The following LYN variants were observed in gnomAD, a reference collection of about 807,000 sequenced individuals.
The protein encoded by LYN is tyrosine-protein kinase Lyn.
Under a neutral mutation model 65.0 loss-of-function variants are expected in LYN, and 12 were observed. The observed-to-expected ratio is 0.18, with a 90% CI of 0.12 to 0.30. LYN has a LOEUF of 0.30. LYN is among the 10% of genes least tolerant of loss of function. LYN has a pLI of 1.00. For synonymous variants in LYN, 222 were observed against 221.2 expected (o/e 1.00, Z -0.03); for missense variants, 380 against 623.2 (o/e 0.61, Z 4.16).
At chr8:55,924,962 C>T (rs931010873) in intron 1 of LYN, among the ~76,000 whole-genome samples, 19 of 152,208 alleles carry the variant, frequency 1.2e-4, no homozygotes, top group East Asian at 5.8e-4. Flanking sequence ...CTGCCTCAGC[C>T]TCCCAAGTAG....
intron 1 of LYN, among the ~76,000 whole-genome samples, chr8:55,935,295 A>G (rs1391681515): frequency 9.8e-5 from 15 of 152,322 alleles, no homozygotes; most frequent in African/African-American, 3.6e-4. Flanking sequence ...AAGCCGTGCT[A>G]TGCAGCTTGG....
intron 1 of LYN, among the ~76,000 whole-genome samples, chr8:55,919,437 C>T (rs1340655668): frequency 2.0e-5 from 3 of 152,122 alleles, no homozygotes; most frequent in African/African-American, 2.4e-5. Flanking sequence ...GAATAGAATA[C>T]GCTTCACTGC....
intron 8 of LYN, among the ~76,000 whole-genome samples, chr8:55,959,746 C>G (rs1807221123): frequency 6.6e-6 from 1 of 151,800 alleles, no homozygotes; most frequent in Non-Finnish European, 1.5e-5. Context: ...GTACAAACAA[C>G]TGAAATGTCC....
At chr8:55,903,604 CTCTT>C in intron 1 of LYN, among the ~76,000 whole-genome samples, 1 of 152,348 alleles carries the variant, frequency 6.6e-6, no homozygotes, top group South Asian at 2.1e-4. Flanking sequence ...TCACTGTAAG[CTCTT>C]TCTGTTTCTA....
chr8:55,966,430 C>T (rs1000447172), intron 8 of LYN, among the ~76,000 whole-genome samples: 4 of 151,320 alleles, frequency 2.6e-5, no homozygotes, highest in South Asian at 2.1e-4. Context: ...TGCAATGGTG[C>T]GATCTCAGCT....
At chr8:55,978,985 A>G (rs1807839330) in intron 10 of LYN, among the ~76,000 whole-genome samples, 1 of 150,864 alleles carries the variant, frequency 6.6e-6, no homozygotes, top group Non-Finnish European at 1.5e-5. Flanking sequence ...ACCGCTCAGC[A>G]TGCCTCACTC....
At chr8:55,932,300 A>G (rs1333673992) in intron 1 of LYN, among the ~76,000 whole-genome samples, 4 of 152,132 alleles carry the variant, frequency 2.6e-5, no homozygotes, top group Non-Finnish European at 5.9e-5. Context: ...ATTAAACTTA[A>G]GCTACTAATT....
chr8:56,002,128 A>C (rs1808530182), intron 12 of LYN, among the ~76,000 whole-genome samples: 4 of 152,274 alleles, frequency 2.6e-5, no homozygotes, highest in Middle Eastern at 3.4e-3. Context: ...TAAAAATATA[A>C]AAATTAGGCT....
intron 1 of LYN, among the ~76,000 whole-genome samples, chr8:55,909,031 ACACACAC>A (rs1805519505): frequency 1.0e-5 from 1 of 99,490 alleles, no homozygotes; most frequent in African/African-American, 6.4e-5. Context: ...ACACACACAC[ACACACAC>A]ACACACACAC....
At chr8:55,880,717 C>G (rs1320277843) in intron 1 of LYN, among the ~76,000 whole-genome samples, 1 of 152,240 alleles carries the variant, frequency 6.6e-6, no homozygotes, top group Non-Finnish European at 1.5e-5. Context: ...TGCGGCGCCT[C>G]TCGGCCTGCC....
At chr8:55,942,331 G>GTA (rs111298995) in intron 2 of LYN, among the ~76,000 whole-genome samples, 12 of 129,362 alleles carry the variant, frequency 9.3e-5, no homozygotes, top group South Asian at 7.0e-4. Flanking sequence ...ATATATATGT[G>GTA]TATATATATA....
chr8:55,880,956 A>G (rs1175713672), intron 1 of LYN, among the ~76,000 whole-genome samples: 7 of 152,138 alleles, frequency 4.6e-5, no homozygotes, highest in Non-Finnish European at 1.0e-4. Context: ...GAGTGTGTTA[A>G]TTATCCCAAA....
At chr8:56,005,846 G>A (rs1185617789) in intron 12 of LYN, among the ~76,000 whole-genome samples, 2 of 152,196 alleles carry the variant, frequency 1.3e-5, no homozygotes, top group Non-Finnish European at 2.9e-5. Context: ...CACTTTGGGA[G>A]GCCGAGGCAG....
intron 1 of LYN, among the ~76,000 whole-genome samples, chr8:55,915,808 A>C (rs1024682420): frequency 3.9e-5 from 6 of 152,112 alleles, no homozygotes; most frequent in African/African-American, 1.4e-4. Context: ...AAGGAAAGAG[A>C]GAGAGAAGAG....
intron 1 of LYN, among the ~76,000 whole-genome samples, chr8:55,911,257 GTATATA>G (rs1164931946): frequency 0.16 from 1,333 of 8,324 alleles, 392 homozygotes; most frequent in African/African-American, 0.41. Flanking sequence ...GTGTGTGTGT[GTATATA>G]TATATATATA....
intron 1 of LYN, among the ~76,000 whole-genome samples, chr8:55,896,150 A>G (rs561144153): frequency 4.6e-5 from 7 of 152,024 alleles, no homozygotes; most frequent in Admixed American, 3.9e-4. Context: ...TGCCCCTGTC[A>G]TCCTAGCTGC....
chr8:55,957,255 G>A (rs1807144736), intron 8 of LYN, among the ~76,000 whole-genome samples: 1 of 152,136 alleles, frequency 6.6e-6, no homozygotes, highest in South Asian at 2.1e-4. Context: ...GACTCCGTGT[G>A]CCCTATTTTT....
intron 1 of LYN, among the ~76,000 whole-genome samples, chr8:55,886,272 G>T (rs549385376): frequency 7.4e-6 from 1 of 135,978 alleles, no homozygotes. Context: ...ATGGAGTCTC[G>T]CTCTGTCGCC....
rs1363431258 is a variant in LYN at position 56,004,564 on chromosome 8, G to T, written c.1336+5015G>T. On this transcript the variant is annotated intron_variant, in intron 12 of 12. Coordinates refer to ENST00000519728, the MANE Select transcript of LYN (RefSeq NM_002350.4). ...CCACCTCAGCCTCCCAAAGTGCAGG[G>T]ATTACAGGCATGAGCCACCGTGTGC... Among the ~76,000 whole-genome samples the T allele has an allele frequency of 5.3e-5, 8 of 152,184 alleles. No homozygotes were observed. The East Asian group carries it at 1.5e-3, about 29-fold the overall frequency.
Sources: allele counts gnomAD v4.1 joint callset (sites outside exome capture counted in the v4.1 genomes callset), GRCh38; gene constraint gnomAD v4.1.1; transcripts MANE v1.5; gene names NCBI Gene and HGNC (gene_info 2026-07-23, HGNC 2026-07-21).